KIAA2012: variants seen among roughly 807,000 people sequenced by gnomAD.
The protein encoded by KIAA2012 is uncharacterized protein KIAA2012.
Under a neutral mutation model 150.6 loss-of-function variants are expected in KIAA2012, and 125 were observed. That is an observed-to-expected ratio of 0.83 (90% CI 0.72 to 0.96). KIAA2012 has a LOEUF of 0.96. Among genes scored for constraint, KIAA2012 ranks in the 40% least tolerant of loss-of-function variants. The pLI is 0.00. For synonymous variants in KIAA2012, 462 were observed against 504.7 expected (o/e 0.92, Z 1.13); for missense variants, 1,219 against 1,354.9 (o/e 0.90, Z 1.57).
At chr2:202,178,633 A>G (rs1432727438) in intron 15 of KIAA2012, 1 of 152,612 alleles carries the variant, frequency 6.6e-6, no homozygotes. Context: ...AGTCATGTTA[A>G]GGAAAGAAAT....
intron 2 of KIAA2012, among the ~76,000 whole-genome samples, chr2:202,081,327 G>C (rs2105909593): frequency 6.6e-6 from 1 of 152,140 alleles, no homozygotes; most frequent in South Asian, 2.1e-4. Context: ...ACAAATATCT[G>C]TTCATGTCCT....
At chr2:202,158,795 C>CT (rs201070046) in intron 14 of KIAA2012, among the ~76,000 whole-genome samples, 2 of 151,862 alleles carry the variant, frequency 1.3e-5, no homozygotes, top group Admixed American at 6.6e-5. Context: ...TTTTCAGGGA[C>CT]TTTTTAAATT....
At chr2:202,080,431 C>T (rs550671647) in intron 2 of KIAA2012, among the ~76,000 whole-genome samples, 11 of 152,156 alleles carry the variant, frequency 7.2e-5, no homozygotes, top group South Asian at 4.1e-4. Flanking sequence ...CGATGGCACA[C>T]GCCTGTAATA....
intron 13 of KIAA2012, among the ~76,000 whole-genome samples, chr2:202,152,482 C>G (rs757003259): frequency 2.1e-4 from 32 of 152,204 alleles, no homozygotes; most frequent in Non-Finnish European, 4.4e-4. Flanking sequence ...GTTCTCCCAT[C>G]TAACACAAAA....
At chr2:202,120,337 C>T (rs1176888663) in intron 11 of KIAA2012, among the ~76,000 whole-genome samples, 7 of 152,166 alleles carry the variant, frequency 4.6e-5, no homozygotes, top group Admixed American at 3.9e-4. Flanking sequence ...GATTGCACCA[C>T]TGCACACCAG....
intron 15 of KIAA2012, among the ~76,000 whole-genome samples, chr2:202,169,184 A>T (rs1035876004): frequency 2.6e-5 from 4 of 152,240 alleles, no homozygotes; most frequent in African/African-American, 7.2e-5. Flanking sequence ...GGCAAGGATC[A>T]TGCCTTATTC....
At chr2:202,162,442 T>C (rs1467010039) in intron 14 of KIAA2012, among the ~76,000 whole-genome samples, 1 of 151,786 alleles carries the variant, frequency 6.6e-6, no homozygotes, top group Non-Finnish European at 1.5e-5. Context: ...ACCTGGCTAA[T>C]TTTTGTATTT....
At chr2:202,121,034 G>A (rs1301503585) in intron 11 of KIAA2012, among the ~76,000 whole-genome samples, 2 of 152,180 alleles carry the variant, frequency 1.3e-5, no homozygotes, top group Admixed American at 1.3e-4. Context: ...GTGAGTGGAA[G>A]TAACACATGC....
At chr2:202,186,153 C>T (rs966963100) in intron 16 of KIAA2012, among the ~76,000 whole-genome samples, 1 of 152,168 alleles carries the variant, frequency 6.6e-6, no homozygotes, top group Non-Finnish European at 1.5e-5. Context: ...GACAGCAATT[C>T]TACAATGGAT....
intron 11 of KIAA2012, among the ~76,000 whole-genome samples, chr2:202,123,349 C>T (rs1406926647): frequency 1.3e-5 from 2 of 152,134 alleles, no homozygotes; most frequent in African/African-American, 2.4e-5. Flanking sequence ...TATCTCTCTC[C>T]GTTTAATCCA....
chr2:202,167,350 A>G (rs1458104325), intron 15 of KIAA2012, among the ~76,000 whole-genome samples: 1 of 152,210 alleles, frequency 6.6e-6, no homozygotes, highest in Non-Finnish European at 1.5e-5. Flanking sequence ...CCCCGCCCTC[A>G]GAGTTTCTGA....
intron 13 of KIAA2012, among the ~76,000 whole-genome samples, chr2:202,147,934 C>T (rs1691334884): frequency 6.6e-6 from 1 of 152,150 alleles, no homozygotes; most frequent in South Asian, 2.1e-4. Context: ...TACAGCTAGC[C>T]ACCCCCTCAC....
At chr2:202,148,440 C>T (rs961823817) in intron 13 of KIAA2012, among the ~76,000 whole-genome samples, 29 of 149,810 alleles carry the variant, frequency 1.9e-4, no homozygotes, top group African/African-American at 7.0e-4. Flanking sequence ...GTTTGGCTAC[C>T]AAACTAACTG....
rs1290993445 is a variant in KIAA2012 at position 202,138,443 on chromosome 2, C to T, written c.1843C>T (p.Pro615Ser). The T allele has an allele frequency of 6.4e-7, 1 of 1,550,534 alleles. No homozygotes were observed. Among genetic ancestry groups the T allele is most frequent in the East Asian group, 2.4e-5 (1 of 40,912 alleles). Residue 615 changes from proline (P) to serine (S), a missense_variant, in exon 13 of 24, where the codon CCT becomes TCT. Physicochemically the swap from Pro to Ser is moderately conservative, Grantham distance 74. Coordinates refer to ENST00000498697, the MANE Select transcript of KIAA2012 (RefSeq NM_001277372.4). ...SQHFLKANTE[P>S]RANLHMNLYE... The stretch of plus-strand genomic sequence containing the variant: ...GATTTTCACTACAGCAAACACTGAA[C>T]CTAGAGCCAATCTTCACATGAACCT...
chr2:202,113,592 G>T, intron 11 of KIAA2012, 146 bp downstream of exon 11: 1 of 605,056 alleles, frequency 1.7e-6, no homozygotes, highest in Non-Finnish European at 2.9e-6. Context: ...CCGACACAGA[G>T]GTGCTTCTGT....
chr2:202,168,131 C>T (rs1280064914), intron 15 of KIAA2012, among the ~76,000 whole-genome samples: 4 of 151,664 alleles, frequency 2.6e-5, no homozygotes, highest in East Asian at 2.0e-4. Context: ...GAAAAGTACC[C>T]GTCATAGGGC....
chr2:202,113,240 G>T lies in KIAA2012; in HGVS notation c.1652-96G>T, dbSNP rs1690422603. 4 of 867,470 alleles carry T rather than the reference G, an allele frequency of 4.6e-6. No homozygotes were observed. The East Asian group carries it at 1.1e-4, about 23-fold the overall frequency. 53.7% of individuals were successfully genotyped at this position (867,470 alleles called of 1,614,324 possible). The stretch of plus-strand genomic sequence containing the variant: ...CAAGCACATAGGCATCTACGGGTGT[G>T]TGCCCGCGGGGGACCAGGGGAACAT... On this transcript the variant is annotated intron_variant, in intron 10 of 23. Coordinates refer to ENST00000498697, the MANE Select transcript of KIAA2012 (RefSeq NM_001277372.4).
At chr2:202,202,634 TAA>T in intron 23 of KIAA2012, 47 bp downstream of exon 23, 1 of 398,110 alleles carries the variant, frequency 2.5e-6, no homozygotes, top group Middle Eastern at 6.3e-4. Context: ...CCCTTTATAA[TAA>T]AGTTCTAGGG....
chr2:202,167,576 C>G (rs1691796225), intron 15 of KIAA2012, among the ~76,000 whole-genome samples: 1 of 152,198 alleles, frequency 6.6e-6, no homozygotes, highest in Non-Finnish European at 1.5e-5. Flanking sequence ...GTTCCAACCC[C>G]AGCACTTTGG....
Sources: gnomAD v4.1 joint callset for allele counts (sites outside exome capture counted in the v4.1 genomes callset) on GRCh38, gnomAD v4.1.1 for gene constraint, MANE v1.5 for transcripts, NCBI Gene and HGNC (gene_info 2026-07-23, HGNC 2026-07-21) for gene names.